Variants in RPIA observed in about 807,000 individuals in gnomAD.
The protein encoded by RPIA is ribose-5-phosphate isomerase.
RPIA carries 29 observed loss-of-function variants against 37.8 expected under a neutral mutation model. That is an observed-to-expected ratio of 0.77 (90% CI 0.57 to 1.05). RPIA has a LOEUF of 1.05. Ranked by LOEUF, RPIA falls within the 50% of genes least tolerant of loss-of-function variation. RPIA has a pLI of 0.00. For missense variants in RPIA, 385 were observed against 413.6 expected (o/e 0.93, Z 0.60); for synonymous variants, 167 against 157.0 (o/e 1.06, Z -0.48).
At position 88,698,387 on chromosome 2, in the gene RPIA, C is replaced by T. The variant is rs1672785859; in HGVS notation, c.286-97C>T. 4.8e-6 allele frequency: 5 copies of T among 1,033,426 alleles called. No individual in the cohort carries two copies. In the East Asian group the frequency reaches 9.5e-5, roughly 20 times the overall value. The allele number at this position is 1,033,426 out of a possible 1,614,324, so 64.0% of individuals were successfully genotyped here. On this transcript the variant is annotated intron_variant, in intron 1 of 8. Coordinates refer to ENST00000283646, the MANE Select transcript of RPIA (RefSeq NM_144563.3). ...GTCTTGTACCTGTGTTGGTGGATTG[C>T]TGTTCATAATAATTTTATAGCTTTA...
chr2:88,747,432 A>G (rs886863030), intron 8 of RPIA, among the ~76,000 whole-genome samples: 22 of 152,152 alleles, frequency 1.4e-4, no homozygotes, highest in African/African-American at 4.6e-4. Context: ...CTTCATTTGT[A>G]TCTGCACTTC....
Position 88,691,735 on chromosome 2 carries a change from C to A in RPIA, c.37C>A (p.Arg13=), listed in dbSNP as rs1277359207. The change falls in exon 1 of 9, where the codon CGG becomes AGG. Residue 13 remains arginine (R), a synonymous_variant. Transcript: ENST00000283646. ...CGGGCCCTTCAGCACCCTCTACGGG[C>A]GGGTCTTGGCCCCGCTGCCCGGGAG... is the stretch of plus-strand genomic sequence containing the variant. ...RPGPFSTLYG[R]VLAPLPGRAG... is the part of the protein sequence containing the mutation. 4 of 1,593,898 alleles carry A rather than the reference C, an allele frequency of 2.5e-6. No individual in the cohort carries two copies. Among genetic ancestry groups the A allele is most frequent in the Non-Finnish European group, 3.4e-6 (4 of 1,175,114 alleles).
chr2:88,716,225 T>G (rs1466889348), intron 3 of RPIA, among the ~76,000 whole-genome samples: 3 of 152,148 alleles, frequency 2.0e-5, no homozygotes, highest in Non-Finnish European at 4.4e-5. Context: ...TATTATCTAC[T>G]TATGACCCGG....
intron 3 of RPIA, among the ~76,000 whole-genome samples, chr2:88,725,292 T>C (rs1277832605): frequency 1.3e-5 from 2 of 151,844 alleles, no homozygotes; most frequent in African/African-American, 4.8e-5. Flanking sequence ...TGGAACTCCA[T>C]GCATCAGTTT....
intron 8 of RPIA, among the ~76,000 whole-genome samples, chr2:88,743,920 C>G (rs187462863): frequency 6.6e-6 from 1 of 152,214 alleles, no homozygotes; most frequent in Admixed American, 6.5e-5. Flanking sequence ...CTTGGTTAAT[C>G]TCACTAATGG....
rs373921372 is a variant in RPIA, at chr2:88,708,946, C to T, written c.402+8882C>T. ...TAATTTTTTGTATATTTAGTAGAGA[C>T]GGGGTTTCACCCTGTTGGCCAGGAT... On this transcript the variant is annotated intron_variant, in intron 3 of 8. Coordinates refer to ENST00000283646, the MANE Select transcript of RPIA (RefSeq NM_144563.3). Among the ~76,000 whole-genome samples, 50 of 152,136 alleles carry T rather than the reference C, an allele frequency of 3.3e-4. No homozygotes were observed. In the East Asian group the frequency reaches 4.5e-3, roughly 14 times the overall value.
intron 3 of RPIA, among the ~76,000 whole-genome samples, chr2:88,719,518 G>T (rs1673093571): frequency 3.9e-5 from 6 of 152,024 alleles, no homozygotes; most frequent in Admixed American, 3.9e-4. Flanking sequence ...TTTATAATTT[G>T]ATTTTGGAAA....
rs749258902 is a variant in RPIA at position 88,691,842 on chromosome 2, G to C, written c.144G>C (p.Gln48His). Residue 48 changes from glutamine (Q) to histidine (H), a missense_variant, in exon 1 of 9, where the codon CAG becomes CAC. By Grantham distance (24) the Gln-to-His change is conservative. Coordinates refer to ENST00000283646, the MANE Select transcript of RPIA (RefSeq NM_144563.3). The stretch of plus-strand genomic sequence containing the variant: ...ACGTGCGGCTGCCGGGGCGTGCACA[G>C]TCTGGGACCCGTGGCGGTGCTGGCA... The part of the protein sequence containing the change: ...GSHVRLPGRA[Q>H]SGTRGGAGNT... 8.8e-6 allele frequency: 14 copies of C among 1,599,076 alleles called. No individual in the cohort carries two copies. The highest frequency in any genetic ancestry group is 1.7e-4 in the Middle Eastern group (1 of 5,918).
chr2:88,692,001 T>TGGGGCGC lies in RPIA; in HGVS notation c.285+26_285+32dup. 6.4e-7 allele frequency: 1 copy of TGGGGCGC among 1,572,408 alleles called. No individual in the cohort carries two copies. The highest frequency in any genetic ancestry group is 8.6e-7 in the Non-Finnish European group (1 of 1,161,068). The stretch of plus-strand genomic sequence containing the variant: ...ACGTGAGGGTGAGCACTTCGAAACG[T>TGGGGCGC]GGGGCGCGGGGCGCATGTCCTTGGC... On this transcript the variant is annotated intron_variant, in intron 1 of 8. Coordinates refer to ENST00000283646, the MANE Select transcript of RPIA (RefSeq NM_144563.3).
intron 8 of RPIA, among the ~76,000 whole-genome samples, chr2:88,742,999 G>GT (rs751050985): frequency 2.6e-5 from 4 of 152,034 alleles, no homozygotes; most frequent in African/African-American, 4.8e-5. Flanking sequence ...AACAGCAACC[G>GT]TTTGACTTCC....
At chr2:88,744,830 T>C (rs936167915) in intron 8 of RPIA, among the ~76,000 whole-genome samples, 1 of 152,202 alleles carries the variant, frequency 6.6e-6, no homozygotes, top group Non-Finnish European at 1.5e-5. Context: ...TGCTTTTGGT[T>C]TCTGTTTGTG....
chr2:88,741,759 C>T (rs12995709), intron 8 of RPIA, among the ~76,000 whole-genome samples: 42,168 of 151,912 alleles, frequency 0.28, 6,015 homozygotes, highest in Admixed American at 0.32. Context: ...TTTATTCTTG[C>T]GGGAGTAAGG....
At chr2:88,705,736 G>A (rs907757626) in intron 3 of RPIA, among the ~76,000 whole-genome samples, 10 of 152,188 alleles carry the variant, frequency 6.6e-5, no homozygotes, top group East Asian at 1.9e-4. Flanking sequence ...GAGCTTCTGC[G>A]CAGCAAAAGA....
chr2:88,721,553 ACACACACACACACACACACC>A (rs1285763128), intron 3 of RPIA, among the ~76,000 whole-genome samples: 2 of 48,304 alleles, frequency 4.1e-5, no homozygotes, highest in African/African-American at 1.9e-4. Flanking sequence ...ATACACACAC[ACACACACACACACACACACC>A]CCCCCCCCCA....
At chr2:88,732,914 C>T (rs912266325) in intron 4 of RPIA, among the ~76,000 whole-genome samples, 5 of 152,074 alleles carry the variant, frequency 3.3e-5, no homozygotes, top group African/African-American at 1.2e-4. Context: ...AAGTGCTGTA[C>T]CTGTATTAAA....
At chr2:88,712,429 A>C (rs920485407) in intron 3 of RPIA, among the ~76,000 whole-genome samples, 1 of 152,036 alleles carries the variant, frequency 6.6e-6, no homozygotes, top group African/African-American at 2.4e-5. Flanking sequence ...ATTCTTTCAG[A>C]TTTTCTTTTT....
intron 3 of RPIA, among the ~76,000 whole-genome samples, chr2:88,704,533 T>C (rs776983687): frequency 3.9e-5 from 6 of 152,170 alleles, no homozygotes; most frequent in Non-Finnish European, 7.3e-5. Context: ...CATGATTCAA[T>C]TGTCTCCCAC....
At position 88,703,983 on chromosome 2, in the gene RPIA, G is replaced by C. The variant is rs1245272368; in HGVS notation, c.402+3919G>C. The stretch of plus-strand genomic sequence containing the variant: ...CAAAGTTCCACAAATCTCTGGGGCA[G>C]GGGCAAAATGCTGCCAGTCTCTTTG... On this transcript the variant is annotated intron_variant, in intron 3 of 8. Coordinates refer to ENST00000283646, the MANE Select transcript of RPIA (RefSeq NM_144563.3). 6.6e-5 allele frequency among the ~76,000 whole-genome samples: 10 copies of C among 152,280 alleles called. No homozygotes were observed. The East Asian group carries it at 1.9e-3, about 29-fold the overall frequency.
chr2:88,707,670 C>A (rs1436536475), intron 3 of RPIA, among the ~76,000 whole-genome samples: 2 of 152,176 alleles, frequency 1.3e-5, no homozygotes, highest in African/African-American at 4.8e-5. Context: ...ATTGTGTAGA[C>A]CAGTCACAAA....
Sources: allele counts gnomAD v4.1 joint callset (sites outside exome capture counted in the v4.1 genomes callset), GRCh38; gene constraint gnomAD v4.1.1; transcripts MANE v1.5; gene names NCBI Gene and HGNC (gene_info 2026-07-23, HGNC 2026-07-21).